The following PDCD10 variants were observed in gnomAD, a reference collection of about 807,000 sequenced individuals.
The protein encoded by PDCD10 is programmed cell death 10, also known as programmed cell death protein 10.
Under a neutral mutation model 29.2 loss-of-function variants are expected in PDCD10, and 4 were observed. The observed-to-expected ratio is 0.14, with a 90% confidence interval of 0.07 to 0.31. The LOEUF (loss-of-function observed/expected upper bound fraction) is 0.31. Among genes scored for constraint, PDCD10 ranks in the 10% least tolerant of loss-of-function variants. The pLI, the probability that PDCD10 is intolerant of heterozygous loss-of-function variation, is 1.00. For missense variants in PDCD10, 183 were observed against 257.9 expected, an observed-to-expected ratio of 0.71 and a Z score of 1.99; for synonymous variants, 70 against 82.2, an observed-to-expected ratio of 0.85 and a Z score of 0.80.
chr3:167,728,824 T>C (rs1409780893), intron 2 of PDCD10, among the ~76,000 whole-genome samples: 2 of 152,188 alleles, frequency 1.3e-5, no homozygotes, highest in Admixed American at 6.5e-5. Context: ...CTTGAAGGTA[T>C]GTAGTCTTGG....
intron 5 of PDCD10, 152 bp from the exon 6 acceptor site, chr3:167,695,874 G>A (rs111688021): frequency 0.018 from 13,119 of 725,336 alleles, 172 homozygotes; most frequent in South Asian, 0.026. Flanking sequence ...ATTCATTAGC[G>A]TTTGACTTAG....
At chr3:167,704,050 G>A (rs866216427) in intron 4 of PDCD10, among the ~76,000 whole-genome samples, 14 of 152,220 alleles carry the variant, frequency 9.2e-5, no homozygotes, top group Admixed American at 2.0e-4. Flanking sequence ...AACAGCTCAA[G>A]TCTAAAGACA....
intron 6 of PDCD10, among the ~76,000 whole-genome samples, chr3:167,689,570 C>A (rs1454198746): frequency 7.2e-6 from 1 of 137,968 alleles, no homozygotes; most frequent in East Asian, 2.1e-4. Flanking sequence ...TTGCCTCATG[C>A]ACCTAGGGAG....
At chr3:167,722,156 G>A (rs1376642044) in intron 2 of PDCD10, among the ~76,000 whole-genome samples, 1 of 152,098 alleles carries the variant, frequency 6.6e-6, no homozygotes, top group African/African-American at 2.4e-5. Flanking sequence ...GACAGCAGCA[G>A]AAGGCATGGT....
At chr3:167,723,635 A>G (rs1577370848) in intron 2 of PDCD10, among the ~76,000 whole-genome samples, 1 of 152,250 alleles carries the variant, frequency 6.6e-6, no homozygotes, top group East Asian at 1.9e-4. Context: ...TGTTGGTATG[A>G]TAACAACATA....
chr3:167,714,586 A>C (rs1431150241), intron 3 of PDCD10, among the ~76,000 whole-genome samples: 1 of 152,046 alleles, frequency 6.6e-6, no homozygotes, highest in African/African-American at 2.4e-5. Context: ...AGATAAATTA[A>C]GTAAAGTAGC....
chr3:167,726,843 T>C (rs1675521533), intron 2 of PDCD10, among the ~76,000 whole-genome samples: 1 of 152,138 alleles, frequency 6.6e-6, no homozygotes, highest in Admixed American at 6.5e-5. Flanking sequence ...GGCATATCTC[T>C]TGCCTCACCC....
intron 4 of PDCD10, among the ~76,000 whole-genome samples, chr3:167,703,506 G>A (rs1259123787): frequency 6.6e-6 from 1 of 151,920 alleles, no homozygotes; most frequent in African/African-American, 2.4e-5. Flanking sequence ...TGTGTGACAT[G>A]GAAGAAATCA....
At chr3:167,705,047 G>A in intron 3 of PDCD10, 152 bp from the exon 4 acceptor site, 1 of 516,506 alleles carries the variant, frequency 1.9e-6, no homozygotes, top group South Asian at 2.8e-5. Context: ...CTTCAATTAG[G>A]CTATCAAAAT....
chr3:167,732,572 A>G (rs1001804322), intron 2 of PDCD10, among the ~76,000 whole-genome samples: 18 of 152,306 alleles, frequency 1.2e-4, no homozygotes, highest in Admixed American at 1.1e-3. Context: ...TTAATCCACC[A>G]TCCGAATAGA....
chr3:167,716,955 G>T (rs75765994), intron 3 of PDCD10, among the ~76,000 whole-genome samples: 7,666 of 151,848 alleles, frequency 0.05, 266 homozygotes, highest in Non-Finnish European at 0.082. Context: ...TCTCCTCCCC[G>T]ATATACAAAG....
At chr3:167,719,750 G>C (rs1171549865) in intron 3 of PDCD10, among the ~76,000 whole-genome samples, 1 of 151,934 alleles carries the variant, frequency 6.6e-6, no homozygotes, top group Admixed American at 6.6e-5. Context: ...CCTAGAGTAG[G>C]TCCCACCTAT....
chr3:167,706,877 T>C (rs1272271179), intron 3 of PDCD10, among the ~76,000 whole-genome samples: 1 of 152,224 alleles, frequency 6.6e-6, no homozygotes, highest in African/African-American at 2.4e-5. Flanking sequence ...CTGTACTAGT[T>C]AGGTAGCAAA....
chr3:167,718,756 G>A (rs1723270330), intron 3 of PDCD10, among the ~76,000 whole-genome samples: 1 of 151,362 alleles, frequency 6.6e-6, no homozygotes, highest in South Asian at 2.1e-4. Context: ...TATCTTGTAT[G>A]CTGAGGTGAC....
intron 2 of PDCD10, among the ~76,000 whole-genome samples, chr3:167,725,905 T>C (rs1186688556): frequency 6.7e-6 from 1 of 149,126 alleles, no homozygotes; most frequent in Non-Finnish European, 1.5e-5. Context: ...CAAATTCTGG[T>C]CCTGTCATTC....
At chr3:167,684,655 T>C (rs928571842) in intron 8 of PDCD10, among the ~76,000 whole-genome samples, 3 of 152,146 alleles carry the variant, frequency 2.0e-5, no homozygotes, top group African/African-American at 7.2e-5. Context: ...AGTTCATTTA[T>C]AGGTGGAACA....
chr3:167,726,840 C>A (rs1292126225), intron 2 of PDCD10, among the ~76,000 whole-genome samples: 1 of 152,132 alleles, frequency 6.6e-6, no homozygotes, highest in Non-Finnish European at 1.5e-5. Context: ...CTAGGCATAT[C>A]TCTTGCCTCA....
chr3:167,711,776 G>A, intron 3 of PDCD10, among the ~76,000 whole-genome samples: 1 of 151,962 alleles, frequency 6.6e-6, no homozygotes, highest in Non-Finnish European at 1.5e-5. Context: ...CAAGAGAAAA[G>A]AAACAAATAA....
chr3:167,721,404 A>G (rs1723547928), intron 2 of PDCD10, among the ~76,000 whole-genome samples: 1 of 152,080 alleles, frequency 6.6e-6, no homozygotes, highest in Non-Finnish European at 1.5e-5. Context: ...GAAATAAAGA[A>G]CCCCACCTCA....
Sources: gnomAD v4.1 joint callset for allele counts (sites outside exome capture counted in the v4.1 genomes callset) on GRCh38, gnomAD v4.1.1 for gene constraint, MANE v1.5 for transcripts, NCBI Gene and HGNC (gene_info 2026-07-23, HGNC 2026-07-21) for gene names.